Variants in GPD2 observed in about 807,000 individuals in gnomAD.
GPD2 encodes glycerol-3-phosphate dehydrogenase 2.
Under a neutral mutation model 82.4 loss-of-function variants are expected in GPD2, and 54 were observed. The ratio of observed to expected loss-of-function variants is 0.66; its 90% CI spans 0.53 to 0.82. The LOEUF is 0.82. GPD2 is among the 40% of genes least tolerant of loss of function. The pLI, the probability that GPD2 is intolerant of heterozygous loss-of-function variation, is 0.00. For synonymous variants in GPD2, 288 were observed against 306.1 expected (o/e 0.94, Z 0.62); for missense variants, 748 against 896.2 (o/e 0.83, Z 2.11).
At chr2:156,531,408 C>A (rs971835656) in intron 6 of GPD2, among the ~76,000 whole-genome samples, 7 of 152,306 alleles carry the variant, frequency 4.6e-5, no homozygotes, top group Middle Eastern at 3.4e-3. Flanking sequence ...GGCTTTGTGA[C>A]ACTTCTCTCC....
chr2:156,426,879 GTTATGAAGGGC>G, the GPD2 span, among the ~76,000 whole-genome samples: 1 of 152,294 alleles, frequency 6.6e-6, no homozygotes, highest in South Asian at 2.1e-4. Flanking sequence ...AAGGGTTTTT[GTTATGAAGGGC>G]CTGATGCAGA....
intron 2 of GPD2, among the ~76,000 whole-genome samples, chr2:156,485,056 C>A (rs755972171): frequency 9.2e-5 from 14 of 152,196 alleles, no homozygotes; most frequent in Non-Finnish European, 2.9e-5. Context: ...AGCATAATGT[C>A]CTCCAGGGCT....
intron 2 of GPD2, among the ~76,000 whole-genome samples, chr2:156,487,772 G>A (rs905175421): frequency 5.3e-5 from 8 of 152,272 alleles, no homozygotes; most frequent in Non-Finnish European, 8.8e-5. Context: ...CTTTCAGTGA[G>A]CCATCAGAGT....
chr2:156,579,637 A>G (rs1420768188), intron 15 of GPD2, 53 bp from the exon 16 acceptor site: 1 of 907,336 alleles, frequency 1.1e-6, no homozygotes, highest in Admixed American at 1.7e-5. Flanking sequence ...CAGCCAAAGC[A>G]TATGCATAAT....
At chr2:156,509,918 C>T (rs927961523) in intron 3 of GPD2, among the ~76,000 whole-genome samples, 4 of 151,942 alleles carry the variant, frequency 2.6e-5, no homozygotes, top group Non-Finnish European at 4.4e-5. Flanking sequence ...GGATTACAGG[C>T]GCATGCCACC....
chr2:156,463,330 A>G (rs759582427), intron 1 of GPD2, among the ~76,000 whole-genome samples: 1 of 152,164 alleles, frequency 6.6e-6, no homozygotes, highest in Admixed American at 6.5e-5. Flanking sequence ...CTTGGAATGC[A>G]GGGATTTTTT....
intron 3 of GPD2, 92 bp from the exon 4 acceptor site, chr2:156,510,704 T>A (rs1485165273): frequency 3.0e-6 from 3 of 1,011,612 alleles, no homozygotes; most frequent in Non-Finnish European, 4.7e-6. Context: ...GTAATTTTTC[T>A]TGTGATTGTC....
chr2:156,561,040 CTTTTTTTTT>C (rs35948070), intron 9 of GPD2, among the ~76,000 whole-genome samples: 3 of 27,624 alleles, frequency 1.1e-4, no homozygotes, highest in African/African-American at 1.4e-4. Context: ...TGACATTAAG[CTTTTTTTTT>C]TTTTTTTTTT....
At chr2:156,582,412 T>C (rs2105383726) in intron 16 of GPD2, among the ~76,000 whole-genome samples, 1 of 151,986 alleles carries the variant, frequency 6.6e-6, no homozygotes, top group Non-Finnish European at 1.5e-5. Context: ...GGTCATGGTT[T>C]GTCTTTGTTC....
At chr2:156,477,529 TC>T (rs1198430489) in intron 2 of GPD2, among the ~76,000 whole-genome samples, 1 of 152,238 alleles carries the variant, frequency 6.6e-6, no homozygotes, top group Admixed American at 6.5e-5. Flanking sequence ...TTTATGTGAT[TC>T]TTGCTAAAGA....
intron 1 of GPD2, among the ~76,000 whole-genome samples, chr2:156,463,340 T>C (rs1397262796): frequency 1.3e-5 from 2 of 152,204 alleles, no homozygotes; most frequent in Non-Finnish European, 2.9e-5. Context: ...AGGGATTTTT[T>C]TGTGTGTGTT....
intron 9 of GPD2, among the ~76,000 whole-genome samples, chr2:156,568,308 G>C (rs1440935300): frequency 1.3e-5 from 2 of 152,104 alleles, no homozygotes; most frequent in African/African-American, 4.8e-5. Flanking sequence ...TTTGCACAGT[G>C]GTAGGCCTGC....
chr2:156,555,970 C>T (rs752606972), intron 8 of GPD2, among the ~76,000 whole-genome samples: 14 of 152,136 alleles, frequency 9.2e-5, no homozygotes, highest in Non-Finnish European at 1.9e-4. Flanking sequence ...GCAAGCGTTT[C>T]ATGCGGCTGA....
chr2:156,508,993 A>C (rs1260856322), intron 3 of GPD2, among the ~76,000 whole-genome samples: 1 of 152,170 alleles, frequency 6.6e-6, no homozygotes, highest in African/African-American at 2.4e-5. Context: ...TGCCTAATTC[A>C]CTTCTAATAT....
At chr2:156,494,455 G>A (rs1298042000) in intron 2 of GPD2, among the ~76,000 whole-genome samples, 1 of 152,120 alleles carries the variant, frequency 6.6e-6, no homozygotes, top group East Asian at 1.9e-4. Flanking sequence ...TCCCAGGCTG[G>A]GATCTTCTGA....
At chr2:156,514,594 C>T (rs1685128672) in intron 6 of GPD2, among the ~76,000 whole-genome samples, 2 of 151,864 alleles carry the variant, frequency 1.3e-5, no homozygotes, top group African/African-American at 2.4e-5. Context: ...TGAACCAATT[C>T]AGCTGTCAGG....
chr2:156,464,566 C>T (rs771469379), intron 1 of GPD2, among the ~76,000 whole-genome samples: 11 of 152,234 alleles, frequency 7.2e-5, no homozygotes, highest in Middle Eastern at 3.4e-3. Context: ...CACCACAGCG[C>T]ACTTCTTGAT....
rs73965932 is a variant in GPD2, at chr2:156,471,418, C to T, written c.-8-4680C>T. On this transcript the variant is annotated intron_variant, in intron 1 of 16. Transcript: ENST00000438166. The stretch of plus-strand genomic sequence containing the variant: ...TCCTTAATCTACAGCCTCTACTCCC[C>T]GTTGCCAACAGGATATCATAGAAAT... Among the ~76,000 whole-genome samples the T allele has an allele frequency of 4.5e-3, 686 of 152,322 alleles. 6 individuals are homozygous for T. Among genetic ancestry groups the T allele is most frequent in the African/African-American group, 0.015 (637 of 41,568 alleles).
the GPD2 span, among the ~76,000 whole-genome samples, chr2:156,410,985 C>T: frequency 6.6e-6 from 1 of 152,112 alleles, no homozygotes; most frequent in Admixed American, 6.6e-5. Flanking sequence ...TGATTATTTT[C>T]CCCACTTCTA....
Sources: gnomAD v4.1 joint callset for allele counts (sites outside exome capture counted in the v4.1 genomes callset) on GRCh38, gnomAD v4.1.1 for gene constraint, MANE v1.5 for transcripts, NCBI Gene and HGNC (gene_info 2026-07-23, HGNC 2026-07-21) for gene names.